The following ZZZ3 variants were observed in gnomAD, a reference collection of about 807,000 sequenced individuals.
The protein encoded by ZZZ3 is ZZ-type zinc finger-containing protein 3.
A neutral mutation model predicts 95.2 loss-of-function variants in ZZZ3; 22 were observed. The ratio of observed to expected loss-of-function variants is 0.23; its 90% CI spans 0.17 to 0.33. ZZZ3 has a LOEUF of 0.33. Among genes scored for constraint, ZZZ3 ranks in the 10% least tolerant of loss-of-function variants. The probability of loss-of-function intolerance (pLI) is 1.00; values close to 1 mark genes in which losing one functional copy is unlikely to be tolerated. For synonymous variants in ZZZ3, 335 were observed against 358.9 expected, an observed-to-expected ratio of 0.93 and a Z score of 0.75; for missense variants, 885 against 1,066.5, an observed-to-expected ratio of 0.83 and a Z score of 2.37.
chr1:77,621,766 A>G (rs1666891405), intron 5 of ZZZ3, among the ~76,000 whole-genome samples: 1 of 151,978 alleles, frequency 6.6e-6, no homozygotes. Context: ...GCGGTAAGGC[A>G]TGATCACACC....
intron 5 of ZZZ3, among the ~76,000 whole-genome samples, chr1:77,611,484 C>T (rs1449661520): frequency 6.6e-6 from 1 of 151,686 alleles, no homozygotes; most frequent in South Asian, 2.1e-4. Flanking sequence ...AAAAACAATC[C>T]TAAAATTTGT....
intron 1 of ZZZ3, among the ~76,000 whole-genome samples, chr1:77,663,531 T>G (rs1242088787): frequency 6.6e-6 from 1 of 152,198 alleles, no homozygotes; most frequent in African/African-American, 2.4e-5. Flanking sequence ...CATATCTATC[T>G]TTTCATTTAC....
At chr1:77,571,321 G>A (rs576475391) in intron 12 of ZZZ3, among the ~76,000 whole-genome samples, 3 of 152,274 alleles carry the variant, frequency 2.0e-5, no homozygotes, top group Admixed American at 6.5e-5. Context: ...TGGTAAGGAT[G>A]TAAATAAATT....
intron 5 of ZZZ3, among the ~76,000 whole-genome samples, chr1:77,613,912 A>G (rs1666061953): frequency 6.6e-6 from 1 of 152,146 alleles, no homozygotes; most frequent in Non-Finnish European, 1.5e-5. Context: ...TGAATGCCAC[A>G]ATAACTTAAT....
intron 1 of ZZZ3, among the ~76,000 whole-genome samples, chr1:77,675,947 CA>C (rs1256375250): frequency 1.9e-4 from 29 of 152,156 alleles, no homozygotes; most frequent in Admixed American, 1.8e-3. Flanking sequence ...ATTGCTATCT[CA>C]ACATTTGAAG....
intron 8 of ZZZ3, 26 bp downstream of exon 8, chr1:77,581,750 C>G: frequency 1.3e-6 from 2 of 1,529,980 alleles, no homozygotes; most frequent in East Asian, 4.5e-5. Flanking sequence ...TCAAATTCTC[C>G]TACTCCAATA....
At chr1:77,656,891 T>C (rs558831573) in intron 1 of ZZZ3, among the ~76,000 whole-genome samples, 6 of 152,380 alleles carry the variant, frequency 3.9e-5, no homozygotes, top group Non-Finnish European at 8.8e-5. Flanking sequence ...GTGAAGTTCC[T>C]GCTAGCCTCT....
intron 1 of ZZZ3, among the ~76,000 whole-genome samples, chr1:77,682,344 G>A (rs1259523646): frequency 6.6e-6 from 1 of 152,228 alleles, no homozygotes; most frequent in Non-Finnish European, 1.5e-5. Flanking sequence ...TCAGGTCTGC[G>A]CGAGCACGGC....
At chr1:77,570,653 TTTTTATTA>T (rs1570391502) in intron 12 of ZZZ3, among the ~76,000 whole-genome samples, 1 of 150,356 alleles carries the variant, frequency 6.7e-6, no homozygotes, top group East Asian at 1.9e-4. Flanking sequence ...TTTATTTTTA[TTTTTATTA>T]TTTTATTATT....
At chr1:77,583,015 G>A (rs1382708459) in intron 6 of ZZZ3, among the ~76,000 whole-genome samples, 1 of 151,962 alleles carries the variant, frequency 6.6e-6, no homozygotes. Flanking sequence ...TGAGGCAGAA[G>A]AATCTGTTGA....
chr1:77,645,150 G>A (rs957461422), intron 1 of ZZZ3, among the ~76,000 whole-genome samples: 1 of 152,110 alleles, frequency 6.6e-6, no homozygotes. Flanking sequence ...GAGGCCTGGA[G>A]TTCAAGGCTA....
chr1:77,590,605 A>C (rs1404316577), intron 5 of ZZZ3, among the ~76,000 whole-genome samples: 1 of 152,278 alleles, frequency 6.6e-6, no homozygotes. Context: ...ACACAAGGAC[A>C]TGACAAGCAA....
chr1:77,569,230 G>A (rs923467043), intron 12 of ZZZ3, among the ~76,000 whole-genome samples: 12 of 151,982 alleles, frequency 7.9e-5, no homozygotes, highest in African/African-American at 2.2e-4. Context: ...CCAGCTACTC[G>A]GGAAGCTGAG....
At position 77,632,235 on chromosome 1, in the gene ZZZ3, G is replaced by A. The variant is rs759383357; in HGVS notation, c.1120C>T (p.His374Tyr). 1 of 1,613,862 alleles carries A rather than the reference G, an allele frequency of 6.2e-7. No homozygotes were observed. The highest frequency in any genetic ancestry group is 1.3e-5 in the African/African-American group (1 of 74,912). The change falls in exon 5 of 15, where the codon CAT becomes TAT. Residue 374 changes from histidine (H) to tyrosine (Y), a missense_variant. His to Tyr is a moderately conservative substitution (Grantham distance 83). Transcript: ENST00000370801. ...QMMSLSEPQE[H>Y]RYTLRTSPRR... Reference sequence around the variant, plus strand: ...GGTGAGGTTCTCAGAGTATAACGATGTTCTTGAGGTTCTGATAAAGACATC... The same window carrying A: ...GGTGAGGTTCTCAGAGTATAACGATATTCTTGAGGTTCTGATAAAGACATC...
intron 3 of ZZZ3, 93 bp from the exon 4 acceptor site, chr1:77,639,695 T>C: frequency 2.8e-6 from 1 of 358,464 alleles, no homozygotes. Flanking sequence ...GAAATACAGG[T>C]ACAGAAACTG....
chr1:77,641,165 G>A (rs2100902624), intron 3 of ZZZ3: 1 of 163,280 alleles, frequency 6.1e-6, no homozygotes, highest in South Asian at 2.0e-4. Flanking sequence ...ACGTTTTACA[G>A]TGTGTGATGG....
chr1:77,581,206 CTTTT>C (rs200542073), intron 8 of ZZZ3, 137 bp from the exon 9 acceptor site: 1 of 666,476 alleles, frequency 1.5e-6, no homozygotes, highest in Admixed American at 2.7e-5. Context: ...AATGTATATG[CTTTT>C]TTTTTAACTG....
rs781686418 is a variant in ZZZ3, at chr1:77,579,587, T to G, written c.2022A>C (p.Glu674Asp). The change falls in exon 10 of 15, where the codon GAA (glutamate) becomes GAC (aspartate). Residue 674 changes from glutamate to aspartate, a missense_variant. Around this residue, in one of 5 missense-constraint regions of ZZZ3, gnomAD observed 99 missense variants for 119.8 expected, o/e 0.83. Transcript: ENST00000370801. ...TCTTCTGCCAGCGTCGAGATTCTAC[T>G]TCTTCAGGAGGGTATTTGATGAGTA... ...EQLLIKYPPE[E>D]VESRRWQKIA... The G allele has an allele frequency of 5.7e-6, 9 of 1,589,430 alleles. No individual in the cohort carries two copies. Among genetic ancestry groups the G allele is most frequent in the Non-Finnish European group, 7.7e-6 (9 of 1,170,134 alleles).
intron 1 of ZZZ3, among the ~76,000 whole-genome samples, chr1:77,674,591 T>C (rs1158122512): frequency 6.6e-6 from 1 of 152,150 alleles, no homozygotes; most frequent in African/African-American, 2.4e-5. Context: ...ACTTTCTGTG[T>C]GTATTATACT....
Sources: allele counts gnomAD v4.1 joint callset (sites outside exome capture counted in the v4.1 genomes callset), GRCh38; gene constraint gnomAD v4.1.1; regional missense constraint gnomAD v4.1.1; transcripts MANE v1.5; gene names NCBI Gene and HGNC (gene_info 2026-07-23, HGNC 2026-07-21).